The following PANK2 variants were observed in gnomAD, a reference collection of about 807,000 sequenced individuals.
The protein encoded by PANK2 is pantothenate kinase 2, mitochondrial.
In PANK2, 36 loss-of-function variants were observed where a neutral mutation model predicts 43.1. The ratio of observed to expected loss-of-function variants is 0.84; its 90% CI spans 0.64 to 1.10. The LOEUF (loss-of-function observed/expected upper bound fraction) is 1.10. Among genes scored for constraint, PANK2 ranks in the 50% least tolerant of loss-of-function variants. PANK2 has a pLI of 0.00. For synonymous variants in PANK2, 281 were observed against 238.2 expected (o/e 1.18, Z -1.66); for missense variants, 576 against 593.3 (o/e 0.97, Z 0.30).
At position 3,910,689 on chromosome 20, in the gene PANK2, A is replaced by C; in HGVS notation, c.764A>C (p.Asn255Thr). 1 of 1,614,080 alleles carries C rather than the reference A, an allele frequency of 6.2e-7. No homozygotes were observed. The highest frequency in any genetic ancestry group is 8.5e-7 in the Non-Finnish European group (1 of 1,180,010). ...CGGTCACAGTGCTATTACTTTGAAA[A>C]CCCTGCTGATTCTGAAAAGTGTCAG... The change falls in exon 3 of 7, where the codon AAC becomes ACC. Residue 255 changes from asparagine to threonine, a missense_variant. Physicochemically the swap from Asn to Thr is moderately conservative, Grantham distance 65. Transcript: ENST00000610179.
intron 4 of PANK2, among the ~76,000 whole-genome samples, chr20:3,913,788 A>ATTT (rs1197283181): frequency 2.3e-5 from 3 of 132,820 alleles, no homozygotes; most frequent in South Asian, 5.0e-4. Context: ...ATATATATAT[A>ATTT]TATTTTTTTT....
At chr20:3,900,332 C>T (rs542043769) in intron 1 of PANK2, among the ~76,000 whole-genome samples, 2 of 151,622 alleles carry the variant, frequency 1.3e-5, no homozygotes, top group Non-Finnish European at 2.9e-5. Flanking sequence ...GGAGGGGCAC[C>T]TCTTGTAATG....
At chr20:3,922,748 A>T (rs1218076985) in intron 6 of PANK2, among the ~76,000 whole-genome samples, 3 of 151,538 alleles carry the variant, frequency 2.0e-5, no homozygotes, top group African/African-American at 4.9e-5. Context: ...TGAATCTTGA[A>T]TCCATCTTAT....
intron 1 of PANK2, among the ~76,000 whole-genome samples, chr20:3,894,086 C>A (rs1020034679): frequency 6.6e-6 from 1 of 151,938 alleles, no homozygotes; most frequent in Non-Finnish European, 1.5e-5. Context: ...CATGTACCAC[C>A]ATGGCCAACT....
chr20:3,926,669 A>G lies in PANK2; in HGVS notation c.*3375A>G, dbSNP rs6116106. On this transcript the variant is annotated 3_prime_UTR_variant, in exon 7 of 7. Coordinates refer to ENST00000610179, the MANE Select transcript of PANK2 (RefSeq NM_001386393.1). ...AGTTCCACTACTTTGGCCAGGTGCA[A>G]TGGCTCATGCCTGTAATCCCAGCAC... is the stretch of plus-strand genomic sequence containing the variant. The G allele has an allele frequency of 0.015, 2,249 of 152,816 alleles. 46 individuals are homozygous for G. The highest frequency in any genetic ancestry group is 0.052 in the African/African-American group (2,140 of 41,522). 9.5% of individuals were successfully genotyped at this position (152,816 alleles called of 1,614,324 possible).
Position 3,927,465 on chromosome 20 carries a change from T to C in PANK2, c.*4171T>C, listed in dbSNP as rs1490830718. On this transcript the variant is annotated 3_prime_UTR_variant, in exon 7 of 7. Coordinates refer to ENST00000610179, the MANE Select transcript of PANK2 (RefSeq NM_001386393.1). ...AAACTGCGAATGTTTAAAAATATTC[T>C]GCTGCAGAATTTTTAGTGTACAAAG... The C allele has an allele frequency of 1.3e-5, 2 of 152,232 alleles. No individual in the cohort carries two copies. The highest frequency in any genetic ancestry group is 2.9e-5 in the Non-Finnish European group (2 of 68,036). 9.4% of individuals were successfully genotyped at this position (152,232 alleles called of 1,614,324 possible).
intron 2 of PANK2, among the ~76,000 whole-genome samples, chr20:3,909,470 A>G (rs1022791770): frequency 2.3e-4 from 35 of 152,142 alleles, no homozygotes; most frequent in Admixed American, 9.8e-4. Flanking sequence ...ACCTCAAGTG[A>G]TCTGCCTGCC....
At chr20:3,911,147 G>A (rs963881458) in intron 3 of PANK2, among the ~76,000 whole-genome samples, 2 of 152,188 alleles carry the variant, frequency 1.3e-5, no homozygotes, top group Non-Finnish European at 2.9e-5. Flanking sequence ...GAGAAGGCAC[G>A]GGAAAGGACC....
chr20:3,902,972 GACACACACACACACAC>G (rs11468265), intron 1 of PANK2, among the ~76,000 whole-genome samples: 16,213 of 141,402 alleles, frequency 0.11, 1,198 homozygotes, highest in Non-Finnish European at 0.17. Flanking sequence ...GATGTGTATA[GACACACACACACACAC>G]ACACACACAC....
rs780151182 is a variant in PANK2, at chr20:3,907,961, C to G, written c.334C>G (p.Leu112Val). 6.2e-7 allele frequency: 1 copy of G among 1,614,148 alleles called. No individual in the cohort carries two copies. Among genetic ancestry groups the G allele is most frequent in the Non-Finnish European group, 8.5e-7 (1 of 1,180,032 alleles). ...GTTTGGACTGGATATCGGTGGAACT[C>G]TGGTCAAGCTGGTATATTTTGAACC... is the stretch of plus-strand genomic sequence containing the variant. The change falls in exon 2 of 7, where the codon CTG becomes GTG. Residue 112 changes from leucine to valine, a missense_variant. Physicochemically the swap from Leu to Val is conservative, Grantham distance 32. Coordinates refer to ENST00000610179, the MANE Select transcript of PANK2 (RefSeq NM_001386393.1).
intron 6 of PANK2, among the ~76,000 whole-genome samples, chr20:3,922,853 C>G (rs1488124264): frequency 6.6e-6 from 1 of 152,228 alleles, no homozygotes; most frequent in Non-Finnish European, 1.5e-5. Context: ...TTGCATCCGA[C>G]CTCGCCTTCA....
intron 1 of PANK2, among the ~76,000 whole-genome samples, chr20:3,902,004 A>G (rs1036163518): frequency 4.6e-5 from 7 of 151,944 alleles, no homozygotes; most frequent in African/African-American, 1.2e-4. Flanking sequence ...TGAAATTTCA[A>G]TAGGATGTGT....
chr20:3,899,176 GT>G (rs551925178), intron 1 of PANK2, among the ~76,000 whole-genome samples: 87 of 137,458 alleles, frequency 6.3e-4, no homozygotes, highest in Non-Finnish European at 5.5e-4. Flanking sequence ...GCCCAGCCGG[GT>G]TTTTTTTTTT....
rs977731112 is a variant in PANK2 at position 3,929,194 on chromosome 20, A to C, written c.*5900A>C. On this transcript the variant is annotated 3_prime_UTR_variant, in exon 7 of 7. Coordinates refer to ENST00000610179, the MANE Select transcript of PANK2 (RefSeq NM_001386393.1). ...TTCAAAGTGTGTGCACAGAGTGAGG[A>C]GGCCAGCCTGGGCAACATAGTGAGT... is the stretch of plus-strand genomic sequence containing the variant. The C allele has an allele frequency of 6.6e-5, 10 of 152,238 alleles. No homozygotes were observed. The highest frequency in any genetic ancestry group is 8.8e-5 in the Non-Finnish European group (6 of 68,086). The allele number at this position is 152,238 out of a possible 1,614,324, so 9.4% of individuals were successfully genotyped here. A position where few individuals can be genotyped will look rare whatever the true frequency, so the allele number is the denominator to read the frequency against.
intron 1 of PANK2, among the ~76,000 whole-genome samples, chr20:3,899,025 C>A (rs924748456): frequency 6.6e-6 from 1 of 151,746 alleles, no homozygotes; most frequent in Non-Finnish European, 1.5e-5. Flanking sequence ...CAGGTGCCCA[C>A]CACTGCACCT....
rs1179085557 is a variant in PANK2, at chr20:3,927,170, AG to A, written c.*3880del. 2 of 152,270 alleles carry A rather than the reference AG, an allele frequency of 1.3e-5. No homozygotes were observed. The highest frequency in any genetic ancestry group is 2.9e-5 in the Non-Finnish European group (2 of 68,122). 9.4% of individuals were successfully genotyped at this position (152,270 alleles called of 1,614,324 possible). ...TTGCACACTATGCCACAGGAAGGGC[AG>A]GGGCTTCCATCACAATCACTCAGTA... On this transcript the variant is annotated 3_prime_UTR_variant, in exon 7 of 7. Coordinates refer to ENST00000610179, the MANE Select transcript of PANK2 (RefSeq NM_001386393.1).
chr20:3,901,764 G>T (rs897249068), intron 1 of PANK2: 10 of 271,330 alleles, frequency 3.7e-5, no homozygotes, highest in Non-Finnish European at 5.1e-5. Context: ...GTTAGAGAAG[G>T]TCTTTGAAAA....
chr20:3,922,459 C>T (rs531240573), intron 6 of PANK2, among the ~76,000 whole-genome samples: 21 of 152,336 alleles, frequency 1.4e-4, no homozygotes, highest in Middle Eastern at 3.4e-3. Flanking sequence ...TGCCCTCCCT[C>T]GGGAGCCTCC....
At chr20:3,914,425 C>T (rs1011004479) in intron 4 of PANK2, among the ~76,000 whole-genome samples, 1 of 151,780 alleles carries the variant, frequency 6.6e-6, no homozygotes, top group African/African-American at 2.4e-5. Context: ...AGGTGTTTCT[C>T]CTGCCTCAGT....
Sources: allele counts gnomAD v4.1 joint callset (sites outside exome capture counted in the v4.1 genomes callset), GRCh38; gene constraint gnomAD v4.1.1; transcripts MANE v1.5; gene names NCBI Gene and HGNC (gene_info 2026-07-23, HGNC 2026-07-21).